The following FBXL13 variants were observed in gnomAD, a reference collection of about 807,000 sequenced individuals.
FBXL13 encodes the protein F-box and leucine-rich repeat protein 13.
In FBXL13, 67 loss-of-function variants were observed where a neutral mutation model predicts 83.6. The observed-to-expected ratio is 0.80, with a 90% confidence interval of 0.66 to 0.98. The LOEUF (loss-of-function observed/expected upper bound fraction) is 0.98, where lower values mean the gene tolerates loss of function less well. Ranked by LOEUF, FBXL13 falls within the 50% of genes least tolerant of loss-of-function variation. The pLI, the probability that FBXL13 is intolerant of heterozygous loss-of-function variation, is 0.00. For synonymous variants in FBXL13, 272 were observed against 299.5 expected, an observed-to-expected ratio of 0.91 and a Z score of 0.95; for missense variants, 822 against 866.5, an observed-to-expected ratio of 0.95 and a Z score of 0.64.
chr7:102,833,436 C>CTTT (rs763657766), intron 17 of FBXL13, among the ~76,000 whole-genome samples: 46 of 134,596 alleles, frequency 3.4e-4, no homozygotes, highest in Middle Eastern at 3.8e-3. Flanking sequence ...AGCCTGTTTC[C>CTTT]TTTTTTTTTT....
chr7:103,020,956 C>T (rs927952659), intron 6 of FBXL13, among the ~76,000 whole-genome samples: 13 of 152,188 alleles, frequency 8.5e-5, no homozygotes, highest in Admixed American at 4.6e-4. Context: ...CTACCACTGA[C>T]TTTCTTCACA....
At chr7:102,834,047 A>AGGAC (rs1801214166) in intron 17 of FBXL13, among the ~76,000 whole-genome samples, 1 of 105,576 alleles carries the variant, frequency 9.5e-6, no homozygotes, top group Admixed American at 9.5e-5. Flanking sequence ...GAAGGAAGGA[A>AGGAC]GGAAGGAAGG....
chr7:102,950,130 AAC>A (rs1823184782), intron 8 of FBXL13, among the ~76,000 whole-genome samples: 1 of 152,038 alleles, frequency 6.6e-6, no homozygotes, highest in African/African-American at 2.4e-5. Flanking sequence ...CAAAAACAGA[AAC>A]ACAACAATAA....
chr7:102,934,705 T>C, intron 8 of FBXL13: 2 of 1,547,102 alleles, frequency 1.3e-6, no homozygotes, highest in Non-Finnish European at 1.7e-6. Flanking sequence ...TTTCTTACTT[T>C]TTCATTTTCA....
At chr7:102,832,614 T>G (rs1325471408) in intron 18 of FBXL13, among the ~76,000 whole-genome samples, 1 of 152,208 alleles carries the variant, frequency 6.6e-6, no homozygotes, top group African/African-American at 2.4e-5. Context: ...CTTTGACACA[T>G]GTTTATATTT....
chr7:103,024,135 A>AGAGAGAGAG (rs1793552982), intron 6 of FBXL13, among the ~76,000 whole-genome samples: 3 of 96,586 alleles, frequency 3.1e-5, no homozygotes, highest in Non-Finnish European at 2.2e-5. Context: ...AAAAGTTAAA[A>AGAGAGAGAG]AGAGAGAGAG....
chr7:103,027,310 T>TA lies in FBXL13; in HGVS notation c.327+138dup, dbSNP rs563318307. ...AAACTCTGTCCCAAAAAAATAAAAA[T>TA]AAAAAAAAACAAGAATCCCATCAAA... On this transcript the variant is annotated intron_variant, in intron 5 of 19. Coordinates refer to ENST00000313221, the Ensembl canonical transcript of FBXL13. 1,349 of 576,230 alleles carry TA rather than the reference T, an allele frequency of 2.3e-3. 1 individual carries two copies. Among genetic ancestry groups the TA allele is most frequent in the Middle Eastern group, 2.9e-3 (8 of 2,736 alleles). The allele number at this position is 576,230 out of a possible 1,614,324, so 35.7% of individuals were successfully genotyped here.
intron 11 of FBXL13, among the ~76,000 whole-genome samples, chr7:102,898,955 C>T (rs148266530): frequency 0.017 from 2,604 of 152,040 alleles, 43 homozygotes; most frequent in Non-Finnish European, 0.023. Flanking sequence ...CTCACTCTGC[C>T]GCCCAGGCTG....
At chr7:103,044,050 T>C (rs1796023245) in intron 2 of FBXL13, among the ~76,000 whole-genome samples, 1 of 152,182 alleles carries the variant, frequency 6.6e-6, no homozygotes, top group African/African-American at 2.4e-5. Flanking sequence ...ACAACACCTC[T>C]ATGCAATATT....
chr7:102,876,037 G>A (rs192981842), intron 16 of FBXL13, among the ~76,000 whole-genome samples: 219 of 152,276 alleles, frequency 1.4e-3, no homozygotes, highest in Admixed American at 3.0e-3. Flanking sequence ...CCCTGTAGCA[G>A]AGCAAGGGGA....
chr7:102,970,340 A>T (rs1826493023), intron 6 of FBXL13, among the ~76,000 whole-genome samples: 1 of 150,922 alleles, frequency 6.6e-6, no homozygotes, highest in African/African-American at 2.5e-5. Context: ...TAATAAATTC[A>T]TTTTTTTTAA....
chr7:103,054,943 T>C (rs1797194610), intron 2 of FBXL13, 145 bp downstream of exon 3: 1 of 382,018 alleles, frequency 2.6e-6, no homozygotes, highest in Non-Finnish European at 4.9e-6. Flanking sequence ...TCTGTGTATG[T>C]GTGTGGCTAT....
chr7:103,022,031 G>A (rs7458786), intron 6 of FBXL13, among the ~76,000 whole-genome samples: 25,877 of 152,050 alleles, frequency 0.17, 2,874 homozygotes, highest in East Asian at 0.59. Flanking sequence ...ACATGCACAC[G>A]TATGTTTATT....
intron 6 of FBXL13, among the ~76,000 whole-genome samples, chr7:102,970,990 A>C (rs1268246355): frequency 6.6e-6 from 1 of 152,228 alleles, no homozygotes; most frequent in African/African-American, 2.4e-5. Flanking sequence ...CAGAATTTCC[A>C]GGAGGGAATA....
At chr7:102,939,137 G>T (rs187936570) in intron 8 of FBXL13, among the ~76,000 whole-genome samples, 2 of 152,148 alleles carry the variant, frequency 1.3e-5, no homozygotes, top group Non-Finnish European at 2.9e-5. Context: ...CTAGAACCTA[G>T]GAGGTTCTGA....
chr7:102,834,822 G>A (rs974344506), intron 17 of FBXL13: 2 of 151,440 alleles, frequency 1.3e-5, no homozygotes, highest in Non-Finnish European at 2.9e-5. Context: ...ACCATAAAAA[G>A]TATCATAAGT....
At chr7:102,867,505 CTG>C (rs1807834692) in intron 16 of FBXL13, among the ~76,000 whole-genome samples, 3 of 151,354 alleles carry the variant, frequency 2.0e-5, no homozygotes, top group Admixed American at 2.0e-4. Context: ...AGAGTCAGTT[CTG>C]TGTGTCTGGA....
At chr7:102,962,541 T>C (rs564232716) in intron 8 of FBXL13, among the ~76,000 whole-genome samples, 95 of 152,274 alleles carry the variant, frequency 6.2e-4, no homozygotes, top group African/African-American at 2.2e-3. Context: ...CGCATATGTT[T>C]ATTGCGGCAT....
chr7:102,883,238 T>C (rs1377953045), intron 14 of FBXL13, 67 bp downstream of exon 15: 2 of 1,458,076 alleles, frequency 1.4e-6, no homozygotes, highest in Admixed American at 2.1e-5. Flanking sequence ...ATAAGTTCCT[T>C]AGGAGAGAAC....
Sources: allele counts gnomAD v4.1 joint callset (sites outside exome capture counted in the v4.1 genomes callset), GRCh38; gene constraint gnomAD v4.1.1; transcripts MANE v1.5; gene names NCBI Gene and HGNC (gene_info 2026-07-23, HGNC 2026-07-21).